The following UTS2 variants were observed in gnomAD, a reference collection of about 807,000 sequenced individuals.
UTS2 encodes urotensin 2, also known as urotensin-2.
Under a neutral mutation model 12.6 loss-of-function variants are expected in UTS2, and 10 were observed. The ratio of observed to expected loss-of-function variants is 0.80; its 90% CI spans 0.49 to 1.35. The LOEUF (loss-of-function observed/expected upper bound fraction) is 1.35, where lower values mean the gene tolerates loss of function less well. UTS2 is among the 40% of genes most tolerant of loss of function. UTS2 has a pLI of 0.00. For synonymous variants in UTS2, 52 were observed against 50.0 expected (o/e 1.04, Z -0.17); for missense variants, 142 against 143.2 (o/e 0.99, Z 0.04).
chr1:7,901,548 T>C, the UTS2 span, among the ~76,000 whole-genome samples: 1 of 152,204 alleles, frequency 6.6e-6, no homozygotes, highest in Non-Finnish European at 1.5e-5. Context: ...TACATATGTA[T>C]GTATGTAAAT....
At chr1:7,873,957 C>T in the UTS2 span, among the ~76,000 whole-genome samples, 6 of 151,906 alleles carry the variant, frequency 3.9e-5, no homozygotes, top group Non-Finnish European at 7.4e-5. Flanking sequence ...AAACATTCTT[C>T]AGCTCAAGAT....
the UTS2 span, among the ~76,000 whole-genome samples, chr1:7,881,973 G>A: frequency 1.1e-4 from 16 of 152,242 alleles, no homozygotes; most frequent in South Asian, 4.1e-4. Context: ...AAATAAATCC[G>A]TATATTCACA....
At chr1:7,876,497 A>G in the UTS2 span, among the ~76,000 whole-genome samples, 1 of 152,164 alleles carries the variant, frequency 6.6e-6, no homozygotes, top group Non-Finnish European at 1.5e-5. Flanking sequence ...CTATGCAACC[A>G]TGAGACCCAC....
In UTS2 at chr1:7,850,798, G is replaced by C; in HGVS notation, c.214+14C>G. 3 of 1,612,482 alleles carry C rather than the reference G, an allele frequency of 1.9e-6. No individual in the cohort carries two copies. The highest frequency in any genetic ancestry group is 2.7e-5 in the African/African-American group (2 of 75,026). ...ATTAAATCAGACACGCTATAAACAT[G>C]AGAAGCATTTTACCTGCTTTCCTGA... On this transcript the variant is annotated intron_variant, in intron 2 of 3. Coordinates refer to ENST00000361696, the MANE Select transcript of UTS2 (RefSeq NM_006786.4).
chr1:7,889,085 GAAA>G, the UTS2 span, among the ~76,000 whole-genome samples: 2 of 135,516 alleles, frequency 1.5e-5, no homozygotes. Flanking sequence ...ACTTTTTGAT[GAAA>G]AAAAAAAAAA....
At chr1:7,863,222 C>T in the UTS2 span, among the ~76,000 whole-genome samples, 1 of 151,626 alleles carries the variant, frequency 6.6e-6, no homozygotes, top group African/African-American at 2.4e-5. Flanking sequence ...AGTGATTCTC[C>T]TGTCTCAGCC....
At chr1:7,905,868 C>T in the UTS2 span, among the ~76,000 whole-genome samples, 1 of 151,966 alleles carries the variant, frequency 6.6e-6, no homozygotes, top group Non-Finnish European at 1.5e-5. Flanking sequence ...TTACATTTAG[C>T]TCTCTTCTTG....
At chr1:7,877,568 T>A in the UTS2 span, among the ~76,000 whole-genome samples, 3 of 152,148 alleles carry the variant, frequency 2.0e-5, no homozygotes, top group African/African-American at 4.8e-5. Context: ...ATAGAAAATA[T>A]ACTTAATAAA....
At chr1:7,907,450 C>A in the UTS2 span, among the ~76,000 whole-genome samples, 1 of 151,538 alleles carries the variant, frequency 6.6e-6, no homozygotes, top group Non-Finnish European at 1.5e-5. Context: ...AGTTTGAGAG[C>A]AGCAGGGCAT....
At chr1:7,872,137 TAAAAGTACAA>T in the UTS2 span, among the ~76,000 whole-genome samples, 1 of 151,322 alleles carries the variant, frequency 6.6e-6, no homozygotes, top group African/African-American at 2.4e-5. Context: ...CCGTCTCTAC[TAAAAGTACAA>T]AAAATTAGCC....
the UTS2 span, among the ~76,000 whole-genome samples, chr1:7,863,129 G>GT: frequency 9.1e-6 from 1 of 109,762 alleles, no homozygotes; most frequent in Admixed American, 1.1e-4. Flanking sequence ...TATTGTATTT[G>GT]AGACGAAGTT....
upstream of UTS2, among the ~76,000 whole-genome samples, chr1:7,854,067 C>A (rs906730046): frequency 1.3e-5 from 2 of 152,082 alleles, no homozygotes; most frequent in African/African-American, 4.8e-5. Flanking sequence ...CTGTCTCGGC[C>A]GGGTGCAGTG....
the UTS2 span, among the ~76,000 whole-genome samples, chr1:7,908,867 C>A: frequency 6.6e-6 from 1 of 150,668 alleles, no homozygotes; most frequent in East Asian, 2.0e-4. Flanking sequence ...AGTGCAGTGG[C>A]ATGATCTTGG....
the UTS2 span, among the ~76,000 whole-genome samples, chr1:7,887,498 G>A: frequency 2.7e-5 from 4 of 148,714 alleles, no homozygotes; most frequent in Admixed American, 6.9e-5. Flanking sequence ...TGTGGCTCAC[G>A]CCTATAATCC....
chr1:7,859,075 T>C, the UTS2 span, among the ~76,000 whole-genome samples: 1 of 152,152 alleles, frequency 6.6e-6, no homozygotes, highest in South Asian at 2.1e-4. Context: ...GTTTGTACCA[T>C]TTTTATGCGC....
chr1:7,896,024 A>G, the UTS2 span, among the ~76,000 whole-genome samples: 1 of 152,224 alleles, frequency 6.6e-6, no homozygotes, highest in South Asian at 2.1e-4. Context: ...GTCATCAGAC[A>G]AGATAACAGA....
chr1:7,908,460 C>CAA, the UTS2 span, among the ~76,000 whole-genome samples: 6,733 of 49,436 alleles, frequency 0.14, 1,309 homozygotes, highest in African/African-American at 0.41. Context: ...GACTCTGTCT[C>CAA]AAAAAAAAAA....
At chr1:7,854,122 G>T (rs1036496315), upstream of UTS2, among the ~76,000 whole-genome samples, 35 of 151,948 alleles carry the variant, frequency 2.3e-4, no homozygotes, top group Non-Finnish European at 7.4e-5. Context: ...GAGGCGGATG[G>T]ATCACGAGGT....
the UTS2 span, among the ~76,000 whole-genome samples, chr1:7,901,088 C>A: frequency 5.5e-4 from 84 of 152,234 alleles, no homozygotes; most frequent in African/African-American, 1.9e-3. Context: ...TGGTAAGTTA[C>A]GTTTTTTCTA....
Sources: allele counts gnomAD v4.1 joint callset (sites outside exome capture counted in the v4.1 genomes callset), GRCh38; gene constraint gnomAD v4.1.1; transcripts MANE v1.5; gene names NCBI Gene and HGNC (gene_info 2026-07-23, HGNC 2026-07-21).